OPCML: variants seen among roughly 807,000 people sequenced by gnomAD.
OPCML encodes opioid-binding protein/cell adhesion molecule.
A neutral mutation model predicts 37.8 loss-of-function variants in OPCML; 13 were observed. That is an observed-to-expected ratio of 0.34 (90% CI 0.22 to 0.55). OPCML has a LOEUF of 0.55. Ranked by LOEUF, OPCML falls within the 20% of genes least tolerant of loss-of-function variation. The pLI is 0.91. For synonymous variants in OPCML, 176 were observed against 168.8 expected (o/e 1.04, Z -0.33); for missense variants, 341 against 435.6 (o/e 0.78, Z 1.93).
intron 1 of OPCML, among the ~76,000 whole-genome samples, chr11:133,486,187 T>C (rs1046645317): frequency 6.6e-6 from 1 of 152,174 alleles, no homozygotes; most frequent in Non-Finnish European, 1.5e-5. Context: ...CTAGGAGCAA[T>C]GGTTTCATAT....
intron 1 of OPCML, among the ~76,000 whole-genome samples, chr11:133,198,833 T>C (rs1003312650): frequency 1.3e-5 from 2 of 152,174 alleles, no homozygotes; most frequent in Non-Finnish European, 2.9e-5. Flanking sequence ...GCGTAGAAGA[T>C]GTGTATTCTG....
intron 1 of OPCML, among the ~76,000 whole-genome samples, chr11:133,033,084 AT>A (rs2136927886): frequency 6.6e-6 from 1 of 152,302 alleles, no homozygotes; most frequent in East Asian, 1.9e-4. Flanking sequence ...CTAAAAATAG[AT>A]TCATTAAAAA....
chr11:132,545,443 C>G (rs764267356), intron 3 of OPCML, among the ~76,000 whole-genome samples: 1 of 152,098 alleles, frequency 6.6e-6, no homozygotes, highest in Admixed American at 6.6e-5. Context: ...AGGTACTCAG[C>G]CTTCCCCACA....
chr11:133,319,920 T>A (rs1187203398), intron 1 of OPCML, among the ~76,000 whole-genome samples: 1 of 152,216 alleles, frequency 6.6e-6, no homozygotes, highest in Non-Finnish European at 1.5e-5. Flanking sequence ...TTTTTGGAAT[T>A]TCCAAGGCAT....
intron 2 of OPCML, among the ~76,000 whole-genome samples, chr11:132,819,692 C>G (rs1302855316): frequency 6.6e-6 from 1 of 152,116 alleles, no homozygotes; most frequent in East Asian, 1.9e-4. Context: ...CATATGATAT[C>G]AATATTTATT....
chr11:132,643,521 G>A (rs73593142), intron 3 of OPCML, among the ~76,000 whole-genome samples: 6,854 of 152,252 alleles, frequency 0.045, 375 homozygotes, highest in African/African-American at 0.13. Flanking sequence ...CAAGCCACGG[G>A]CGAGGCTCCT....
chr11:132,482,318 A>G (rs2096183521), intron 4 of OPCML, among the ~76,000 whole-genome samples: 1 of 151,840 alleles, frequency 6.6e-6, no homozygotes, highest in African/African-American at 2.4e-5. Context: ...TAGAAAATCT[A>G]GAAGAAATGG....
At chr11:132,908,407 C>T (rs1029958389) in intron 2 of OPCML, among the ~76,000 whole-genome samples, 1 of 152,210 alleles carries the variant, frequency 6.6e-6, no homozygotes, top group African/African-American at 2.4e-5. Flanking sequence ...TGAGCAGTCA[C>T]TCAATTTCTC....
intron 1 of OPCML, among the ~76,000 whole-genome samples, chr11:133,043,189 T>G (rs1470122922): frequency 6.6e-6 from 1 of 152,142 alleles, no homozygotes; most frequent in Admixed American, 6.5e-5. Context: ...CCAGGGTGGA[T>G]GCAAGAGGCA....
intron 4 of OPCML, among the ~76,000 whole-genome samples, chr11:132,479,027 A>G (rs1390940973): frequency 1.3e-5 from 2 of 152,128 alleles, no homozygotes; most frequent in African/African-American, 2.4e-5. Context: ...TAATAGGGAG[A>G]GGAGCCAAGA....
chr11:133,316,597 T>A (rs546638183), intron 1 of OPCML, among the ~76,000 whole-genome samples: 1 of 152,274 alleles, frequency 6.6e-6, no homozygotes, highest in East Asian at 1.9e-4. Context: ...AACCTGCACA[T>A]TCTGCACATG....
intron 2 of OPCML, among the ~76,000 whole-genome samples, chr11:132,791,048 G>A (rs528728172): frequency 1.3e-5 from 2 of 152,276 alleles, no homozygotes; most frequent in Admixed American, 6.5e-5. Context: ...TTCAAAGCCC[G>A]TCATTTCGCT....
intron 1 of OPCML, among the ~76,000 whole-genome samples, chr11:133,308,026 G>C (rs1388660577): frequency 6.6e-6 from 1 of 152,060 alleles, no homozygotes; most frequent in East Asian, 1.9e-4. Context: ...CGAGATAAGA[G>C]CCAGATTGTG....
At chr11:133,032,927 T>C (rs1487472435) in intron 1 of OPCML, among the ~76,000 whole-genome samples, 3 of 152,234 alleles carry the variant, frequency 2.0e-5, no homozygotes, top group African/African-American at 7.2e-5. Flanking sequence ...GAGAATTTTA[T>C]CTCAGCACTG....
chr11:133,132,951 T>C (rs561461999), intron 1 of OPCML, among the ~76,000 whole-genome samples: 19 of 152,030 alleles, frequency 1.2e-4, no homozygotes, highest in African/African-American at 4.3e-4. Context: ...CCAGTGGCGT[T>C]AGGGCTGGCA....
intron 3 of OPCML, among the ~76,000 whole-genome samples, chr11:132,582,873 G>T (rs1411235720): frequency 9.0e-6 from 1 of 110,680 alleles, no homozygotes; most frequent in African/African-American, 3.2e-5. Context: ...TTTTTGATAG[G>T]GTCTTGCTAT....
At chr11:133,454,817 G>C (rs1946644479) in intron 1 of OPCML, among the ~76,000 whole-genome samples, 1 of 152,112 alleles carries the variant, frequency 6.6e-6, no homozygotes, top group African/African-American at 2.4e-5. Context: ...CATCATGATG[G>C]AAAGGATGTA....
rs1942955249 is a variant in OPCML, at chr11:133,307,524, T to C, written c.61+224740A>G. Among the ~76,000 whole-genome samples the C allele has an allele frequency of 4.6e-5, 7 of 152,328 alleles. No individual in the cohort carries two copies. The South Asian group carries it at 1.4e-3, about 32-fold the overall frequency. Reference sequence around the variant, plus strand: ...GTTTTTCTGCACTGCACTTGCCCTTTCTTTTTCTTTTGGCTGTCCCCATGA... The same window carrying C: ...GTTTTTCTGCACTGCACTTGCCCTTCCTTTTTCTTTTGGCTGTCCCCATGA... On this transcript the variant is annotated intron_variant, in intron 1 of 7. Coordinates refer to ENST00000524381, the MANE Select transcript of OPCML (RefSeq NM_001012393.5).
chr11:133,377,843 G>A (rs759456829), intron 1 of OPCML, among the ~76,000 whole-genome samples: 6 of 152,146 alleles, frequency 3.9e-5, no homozygotes, highest in East Asian at 1.9e-4. Context: ...AATAGAGAGG[G>A]AGAGAGGGAA....
Sources: gnomAD v4.1 joint callset for allele counts (sites outside exome capture counted in the v4.1 genomes callset) on GRCh38, gnomAD v4.1.1 for gene constraint, MANE v1.5 for transcripts, NCBI Gene and HGNC (gene_info 2026-07-23, HGNC 2026-07-21) for gene names.